The following SMIM36 variants were observed in gnomAD, a reference collection of about 807,000 sequenced individuals.
The protein encoded by SMIM36 is small integral membrane protein 36.
chr17:55,455,249 C>T (rs1057140126), intron 4 of SMIM36, among the ~76,000 whole-genome samples: 17 of 152,182 alleles, frequency 1.1e-4, no homozygotes, highest in African/African-American at 3.4e-4. Flanking sequence ...TTCTTTAACC[C>T]GTGTTGTGTA....
chr17:55,472,765 G>C (rs1909361660), intron 3 of SMIM36, among the ~76,000 whole-genome samples: 1 of 151,896 alleles, frequency 6.6e-6, no homozygotes, highest in Admixed American at 6.6e-5. Context: ...CTACTCGGGA[G>C]GCTGAGGCAG....
At chr17:55,458,455 C>G (rs2143233955) in intron 4 of SMIM36, 1 of 152,192 alleles carries the variant, frequency 6.6e-6, no homozygotes. Context: ...TGTTAGGGAT[C>G]CACCCCACGG....
intron 3 of SMIM36, among the ~76,000 whole-genome samples, chr17:55,471,072 A>G (rs1310906574): frequency 6.6e-6 from 1 of 151,756 alleles, no homozygotes; most frequent in Non-Finnish European, 1.5e-5. Flanking sequence ...ACAACTCACT[A>G]TTCTGTTATT....
chr17:55,493,808 CAAAAAAAA>C (rs10555912), intron 1 of SMIM36, among the ~76,000 whole-genome samples: 5,527 of 65,122 alleles, frequency 0.085, 147 homozygotes, highest in South Asian at 0.11. Flanking sequence ...CTCTCTCTCT[CAAAAAAAA>C]AAAAAAAAAA....
At chr17:55,460,043 A>G (rs935067205) in intron 4 of SMIM36, among the ~76,000 whole-genome samples, 14 of 152,184 alleles carry the variant, frequency 9.2e-5, no homozygotes, top group African/African-American at 3.4e-4. Context: ...GTTACTATGT[A>G]TTATTATCAC....
chr17:55,471,350 G>A (rs1014136678), intron 3 of SMIM36, among the ~76,000 whole-genome samples: 7 of 152,214 alleles, frequency 4.6e-5, no homozygotes, highest in African/African-American at 1.7e-4. Context: ...GCAGGACACT[G>A]TCCTGCTTCT....
At chr17:55,460,450 A>AC (rs11397688) in intron 4 of SMIM36, among the ~76,000 whole-genome samples, 76,983 of 147,634 alleles carry the variant, frequency 0.52, 22,225 homozygotes, top group Non-Finnish European at 0.66. Context: ...CAAAAAACAA[A>AC]ACAAAAAAAA....
chr17:55,457,552 A>C (rs1341515132), intron 4 of SMIM36, among the ~76,000 whole-genome samples: 1 of 151,618 alleles, frequency 6.6e-6, no homozygotes, highest in African/African-American at 2.4e-5. Flanking sequence ...TTGAGACGGA[A>C]TTTTGCTCTC....
At chr17:55,455,095 C>G (rs933504720) in intron 4 of SMIM36, among the ~76,000 whole-genome samples, 3 of 152,196 alleles carry the variant, frequency 2.0e-5, no homozygotes, top group African/African-American at 7.2e-5. Context: ...CATTTTGATA[C>G]TGATTTCCAA....
intron 3 of SMIM36, among the ~76,000 whole-genome samples, chr17:55,475,812 T>C (rs1567865513): frequency 1.3e-5 from 2 of 152,162 alleles, no homozygotes; most frequent in Non-Finnish European, 2.9e-5. Flanking sequence ...TCTCAATTCA[T>C]ACAAAACCGC....
intron 4 of SMIM36, among the ~76,000 whole-genome samples, chr17:55,455,790 TCAAAAA>T (rs1441382041): frequency 3.1e-4 from 47 of 151,418 alleles, no homozygotes; most frequent in African/African-American, 1.0e-3. Flanking sequence ...GAGAGCTGTT[TCAAAAA>T]CAAAAACAAA....
chr17:55,468,809 A>G (rs1909290184), intron 3 of SMIM36, among the ~76,000 whole-genome samples: 1 of 152,074 alleles, frequency 6.6e-6, no homozygotes. Flanking sequence ...ACCTGACCTA[A>G]AACCTAAATG....
chr17:55,474,573 A>G (rs748245902), intron 3 of SMIM36, among the ~76,000 whole-genome samples: 3 of 152,164 alleles, frequency 2.0e-5, no homozygotes, highest in Non-Finnish European at 4.4e-5. Flanking sequence ...GCATGCCCGT[A>G]TCGGCACTTT....
intron 4 of SMIM36, among the ~76,000 whole-genome samples, chr17:55,459,167 C>A: frequency 6.6e-6 from 1 of 152,116 alleles, no homozygotes; most frequent in East Asian, 1.9e-4. Context: ...ACTGAAGATG[C>A]GAGCCCCACC....
the SMIM36 span, among the ~76,000 whole-genome samples, chr17:55,524,843 G>A: frequency 1.1e-4 from 17 of 152,220 alleles, no homozygotes; most frequent in African/African-American, 4.1e-4. Flanking sequence ...GATCACCTAA[G>A]AGGTGGGCTA....
chr17:55,481,708 T>C (rs1909524019), intron 1 of SMIM36, among the ~76,000 whole-genome samples: 1 of 152,176 alleles, frequency 6.6e-6, no homozygotes, highest in Admixed American at 6.5e-5. Flanking sequence ...ATTATTATTA[T>C]TTTGAGACAG....
the SMIM36 span, among the ~76,000 whole-genome samples, chr17:55,524,838 C>T: frequency 6.6e-6 from 1 of 152,172 alleles, no homozygotes; most frequent in African/African-American, 2.4e-5. Context: ...TGAAGGATCA[C>T]CTAAGAGGTG....
the SMIM36 span, among the ~76,000 whole-genome samples, chr17:55,516,838 G>C: frequency 6.6e-6 from 1 of 152,142 alleles, no homozygotes; most frequent in African/African-American, 2.4e-5. Context: ...GGGATTACAG[G>C]CATGAGCCAC....
the SMIM36 span, among the ~76,000 whole-genome samples, chr17:55,526,029 G>T: frequency 6.6e-6 from 1 of 152,146 alleles, no homozygotes; most frequent in African/African-American, 2.4e-5. Context: ...GGAAACAAAT[G>T]TGGCCAACAA....
Sources: allele counts gnomAD v4.1 joint callset (sites outside exome capture counted in the v4.1 genomes callset), GRCh38; gene constraint gnomAD v4.1.1; transcripts MANE v1.5; gene names NCBI Gene and HGNC (gene_info 2026-07-23, HGNC 2026-07-21).